The following TCF4 variants were observed in gnomAD, a reference collection of about 807,000 sequenced individuals.
TCF4 encodes transcription factor 4, also known as SL3-3 enhancer factor 2.
Under a neutral mutation model 82.1 loss-of-function variants are expected in TCF4, and 3 were observed. The observed-to-expected ratio is 0.04, with a 90% confidence interval of 0.02 to 0.09. The LOEUF (loss-of-function observed/expected upper bound fraction) is 0.09, where lower values mean the gene tolerates loss of function less well. Ranked by LOEUF, TCF4 falls within the 10% of genes least tolerant of loss-of-function variation. The pLI is 1.00. For missense variants in TCF4, 518 were observed against 852.7 expected (o/e 0.61, Z 4.89); for synonymous variants, 276 against 309.6 (o/e 0.89, Z 1.14).
Position 55,563,562 on chromosome 18 carries a change from A to T in TCF4, c.145+21718T>A, listed in dbSNP as rs552593365. On this transcript the variant is annotated intron_variant, in intron 3 of 19. Coordinates refer to ENST00000354452, the MANE Select transcript of TCF4 (RefSeq NM_001083962.2). ...TTAGAGAAGAAATAAGGCAGCAGAT[A>T]TGGAAAGAGTTCTCTCCTTAGAGTT... Among the ~76,000 whole-genome samples the T allele has an allele frequency of 2.8e-4, 42 of 152,362 alleles. No homozygotes were observed. The South Asian group carries it at 8.5e-3, about 31-fold the overall frequency.
intron 3 of TCF4, among the ~76,000 whole-genome samples, chr18:55,534,003 T>A (rs1300974236): frequency 6.6e-6 from 1 of 152,240 alleles, no homozygotes; most frequent in Non-Finnish European, 1.5e-5. Context: ...GATTTTTGAA[T>A]ATTTGCATAT....
intron 8 of TCF4, among the ~76,000 whole-genome samples, chr18:55,290,795 T>G (rs1443578423): frequency 6.6e-6 from 1 of 151,618 alleles, no homozygotes; most frequent in Non-Finnish European, 1.5e-5. Flanking sequence ...CTTTGAAGAG[T>G]CGACATTCAA....
intron 15 of TCF4, among the ~76,000 whole-genome samples, chr18:55,242,959 C>T (rs768179510): frequency 3.3e-5 from 5 of 152,060 alleles, no homozygotes; most frequent in Middle Eastern, 3.4e-3. Flanking sequence ...AGGCAAAATA[C>T]GATGAATGTC....
intron 2 of TCF4, among the ~76,000 whole-genome samples, chr18:55,618,447 T>C (rs922005453): frequency 1.3e-5 from 2 of 152,182 alleles, no homozygotes; most frequent in African/African-American, 4.8e-5. Flanking sequence ...GTTGTAATGT[T>C]TCCTCTTTAA....
chr18:55,561,071 T>C (rs1298506681), intron 3 of TCF4, among the ~76,000 whole-genome samples: 1 of 152,256 alleles, frequency 6.6e-6, no homozygotes, highest in Non-Finnish European at 1.5e-5. Flanking sequence ...CTTACAGAAC[T>C]ACCTATGATT....
intron 10 of TCF4, among the ~76,000 whole-genome samples, chr18:55,275,296 A>AAC: frequency 6.6e-6 from 1 of 151,294 alleles, no homozygotes; most frequent in East Asian, 1.9e-4. Flanking sequence ...AAAAAAAAAA[A>AAC]AACCAGGAAC....
intron 2 of TCF4, among the ~76,000 whole-genome samples, chr18:55,607,857 G>C (rs2097703529): frequency 6.6e-6 from 1 of 152,176 alleles, no homozygotes; most frequent in East Asian, 1.9e-4. Context: ...GCAGACTGTA[G>C]AATGCCACAC....
chr18:55,295,812 C>T (rs2066351000), intron 8 of TCF4, among the ~76,000 whole-genome samples: 1 of 152,134 alleles, frequency 6.6e-6, no homozygotes. Flanking sequence ...CAGTTATAAC[C>T]CTTGCATTTT....
chr18:55,424,403 C>T (rs1192237968), intron 5 of TCF4, among the ~76,000 whole-genome samples: 2 of 152,154 alleles, frequency 1.3e-5, no homozygotes, highest in South Asian at 2.1e-4. Flanking sequence ...TTGTAAGGGT[C>T]ACAAGCTTAC....
At chr18:55,572,588 A>G (rs1247536681) in intron 3 of TCF4, among the ~76,000 whole-genome samples, 1 of 152,238 alleles carries the variant, frequency 6.6e-6, no homozygotes, top group Non-Finnish European at 1.5e-5. Context: ...AATCCCAGAT[A>G]GAATACCACA....
chr18:55,252,345 G>A (rs1028452973), intron 15 of TCF4, among the ~76,000 whole-genome samples: 13 of 145,514 alleles, frequency 8.9e-5, no homozygotes, highest in Middle Eastern at 3.5e-3. Flanking sequence ...CAAAACTGGC[G>A]GCTTTATTGC....
intron 3 of TCF4, among the ~76,000 whole-genome samples, chr18:55,561,771 C>A (rs775619254): frequency 6.6e-6 from 1 of 152,188 alleles, no homozygotes; most frequent in East Asian, 1.9e-4. Context: ...ATGAAGAAAA[C>A]AAAAATCCCT....
Position 55,229,080 on chromosome 18 carries a change from TG to T in TCF4, c.1650-5del. On this transcript the variant is annotated splice_polypyrimidine_tract_variant and splice_region_variant and intron_variant, in intron 17 of 19. Transcript: ENST00000354452. ...CAGGTCCTCATCGTCATTATTGCTGTGGGACAAAAGGGATGCAACATTTTCT... is the reference window on the plus strand; with the variant it reads ...CAGGTCCTCATCGTCATTATTGCTGTGGACAAAAGGGATGCAACATTTTCT... 1 of 1,613,950 alleles carries T rather than the reference TG, an allele frequency of 6.2e-7. No homozygotes were observed.
chr18:55,408,786 G>A (rs1603449990), intron 5 of TCF4, among the ~76,000 whole-genome samples: 1 of 151,436 alleles, frequency 6.6e-6, no homozygotes, highest in Non-Finnish European at 1.5e-5. Context: ...TGTGCTCTTA[G>A]CACTATGCTA....
intron 6 of TCF4, among the ~76,000 whole-genome samples, chr18:55,364,104 T>C (rs921284109): frequency 6.6e-6 from 1 of 152,196 alleles, no homozygotes; most frequent in African/African-American, 2.4e-5. Context: ...CTAATGGGAA[T>C]GTAATCTGGT....
At chr18:55,296,666 A>G (rs1348183574) in intron 8 of TCF4, among the ~76,000 whole-genome samples, 1 of 152,228 alleles carries the variant, frequency 6.6e-6, no homozygotes, top group African/African-American at 2.4e-5. Flanking sequence ...AGAGGGCCAC[A>G]TCAGTGTGAC....
At chr18:55,298,714 G>T (rs1329541998) in intron 8 of TCF4, among the ~76,000 whole-genome samples, 1 of 152,156 alleles carries the variant, frequency 6.6e-6, no homozygotes, top group Non-Finnish European at 1.5e-5. Context: ...TCACTTAATT[G>T]CCAGTTGCTC....
At chr18:55,293,093 T>C (rs765897113) in intron 8 of TCF4, among the ~76,000 whole-genome samples, 26 of 152,000 alleles carry the variant, frequency 1.7e-4, no homozygotes, top group Non-Finnish European at 3.4e-4. Context: ...TACTGAATGG[T>C]TTACTTCAAA....
At chr18:55,472,708 C>T (rs534567754) in intron 3 of TCF4, among the ~76,000 whole-genome samples, 2 of 151,848 alleles carry the variant, frequency 1.3e-5, no homozygotes, top group South Asian at 4.2e-4. Flanking sequence ...GTGAGAATAA[C>T]AATTGGAAGT....
Sources: allele counts gnomAD v4.1 joint callset (sites outside exome capture counted in the v4.1 genomes callset), GRCh38; gene constraint gnomAD v4.1.1; transcripts MANE v1.5; gene names NCBI Gene and HGNC (gene_info 2026-07-23, HGNC 2026-07-21).